Variants in C14orf93 observed in about 807,000 individuals in gnomAD.
The protein encoded by C14orf93 is chromosome 14 open reading frame 93, also known as uncharacterized protein C14orf93.
In C14orf93, 23 loss-of-function variants were observed where a neutral mutation model predicts 44.0. The observed-to-expected ratio is 0.52, with a 90% CI of 0.38 to 0.74. The LOEUF (loss-of-function observed/expected upper bound fraction) is 0.74. Among genes scored for constraint, C14orf93 ranks in the 30% least tolerant of loss-of-function variants. The pLI is 0.00. For missense variants in C14orf93, 579 were observed against 678.9 expected (o/e 0.85, Z 1.64); for synonymous variants, 253 against 265.7 (o/e 0.95, Z 0.46).
intron 1 of C14orf93, among the ~76,000 whole-genome samples, chr14:23,004,913 C>T (rs575175649): frequency 3.9e-5 from 6 of 152,030 alleles, no homozygotes; most frequent in South Asian, 2.1e-4. Flanking sequence ...AGTGAAACTC[C>T]GTCTCAAAAA....
intron 1 of C14orf93, chr14:23,002,622 G>A (rs1458676753): frequency 3.3e-5 from 5 of 152,128 alleles, no homozygotes; most frequent in Non-Finnish European, 7.3e-5. Context: ...ATAGAGTGCT[G>A]GCACATGGTC....
chr14:22,987,514 A>G lies in C14orf93; in HGVS notation c.1318T>C (p.Trp440Arg). Residue 440 changes from tryptophan (W) to arginine (R), a missense_variant, in exon 7 of 7, where the codon TGG becomes CGG. Physicochemically the swap from Trp to Arg is moderately radical, Grantham distance 101. Transcript: ENST00000299088. The surrounding 1 kb of genome is among the most constrained non-coding windows in gnomAD (Gnocchi z 5.6). ...CGGAAACGGGGAGGGCGGGCCACCC[A>G]CACACCTGGCTCGTTAAGACTGTCC... ...EEDSLNEPGV[W>R]VARPPRFRAQ... The G allele has an allele frequency of 6.2e-7, 1 of 1,614,226 alleles. No homozygotes were observed. Among genetic ancestry groups the G allele is most frequent in the Non-Finnish European group, 8.5e-7 (1 of 1,180,036 alleles).
intron 3 of C14orf93, among the ~76,000 whole-genome samples, chr14:22,995,136 A>G (rs964459198): frequency 6.6e-6 from 1 of 152,222 alleles, no homozygotes; most frequent in African/African-American, 2.4e-5. Flanking sequence ...GGTTCAGGCC[A>G]GTCCCTTCCT....
chr14:23,002,148 C>CAAA, intron 1 of C14orf93, among the ~76,000 whole-genome samples: 1 of 62,066 alleles, frequency 1.6e-5, no homozygotes. Context: ...GATTCCGTCT[C>CAAA]AAAAAAAAAA....
chr14:23,003,871 TATATATATATATATATATATATATA>T lies in C14orf93; in HGVS notation c.-379-4494_-379-4470del, dbSNP rs2046439384. Among the ~76,000 whole-genome samples the T allele has an allele frequency of 3.0e-4, 4 of 13,180 alleles. 1 individual carries two copies. Among genetic ancestry groups the T allele is most frequent in the South Asian group, 2.7e-3 (1 of 366 alleles). 8.6% of individuals were successfully genotyped at this position (13,180 alleles called of 152,430 possible). Reference sequence around the variant, plus strand: ...GCTAATATATTCATATATATATATATATATATATATATATATATATATATATATTTTTTTTTTTTTTTTTTTTTTT... The same window carrying T: ...GCTAATATATTCATATATATATATATTATTTTTTTTTTTTTTTTTTTTTTT... On this transcript the variant is annotated intron_variant, in intron 1 of 6. Coordinates refer to ENST00000299088, the MANE Select transcript of C14orf93 (RefSeq NM_021944.4).
rs1170432984 is a variant in C14orf93 at position 23,003,898 on chromosome 14, A to ATT, written c.-379-4498_-379-4497dup. 4.8e-3 allele frequency among the ~76,000 whole-genome samples: 50 copies of ATT among 10,374 alleles called. 6 individuals carry two copies. The highest frequency in any genetic ancestry group is 5.5e-3 in the African/African-American group (11 of 2,012). 6.8% of individuals were successfully genotyped at this position (10,374 alleles called of 152,430 possible). A position where few individuals can be genotyped will look rare whatever the true frequency, so the allele number is the denominator to read the frequency against. On this transcript the variant is annotated intron_variant, in intron 1 of 6. Transcript: ENST00000299088. ...TATATATATATATATATATATATAT[A>ATT]TTTTTTTTTTTTTTTTTTTTTTTTT...
Position 22,999,116 on chromosome 14 carries a change from A to G in C14orf93, c.-93T>C, listed in dbSNP as rs1338230787. On this transcript the variant is annotated 5_prime_UTR_variant, in exon 2 of 7. Transcript: ENST00000299088. Reference sequence around the variant, plus strand: ...TCTCTGGACTCACTTTCCTTTCTCAATGAGGATGGTCAGAGGAGCCCAGGC... The same window carrying G: ...TCTCTGGACTCACTTTCCTTTCTCAGTGAGGATGGTCAGAGGAGCCCAGGC... 4.7e-6 allele frequency: 7 copies of G among 1,502,022 alleles called. No homozygotes were observed. The highest frequency in any genetic ancestry group is 1.3e-5 in the South Asian group (1 of 75,740). 93.0% of individuals were successfully genotyped at this position (1,502,022 alleles called of 1,614,324 possible).
At chr14:23,007,067 C>T (rs1483035209) in intron 1 of C14orf93, 1 of 152,316 alleles carries the variant, frequency 6.6e-6, no homozygotes, top group Non-Finnish European at 1.5e-5. Flanking sequence ...CCTGGCGCTA[C>T]CGCACGGGCT....
At position 22,987,935 on chromosome 14, in the gene C14orf93, CT is replaced by C; in HGVS notation, c.1164del (p.Glu389ArgfsTer20). 1 of 1,614,056 alleles carries C rather than the reference CT, an allele frequency of 6.2e-7. No homozygotes were observed. The highest frequency in any genetic ancestry group is 8.5e-7 in the Non-Finnish European group (1 of 1,179,946). ...SLNPFKGLKE[K>X]EEKKLRSRRY... ...CGGCGACTTCGAAGTTTCTTCTCCT[CT>C]TTTTCCTTCAGGCCTTTAAAGGGGT... On this transcript the variant is annotated frameshift_variant, in exon 6 of 7. Coordinates refer to ENST00000299088, the MANE Select transcript of C14orf93 (RefSeq NM_021944.4). LOFTEE classifies it high-confidence loss of function. This position sits in a 1 kb window ranked among gnomAD's most constrained non-coding sequence, Gnocchi z 5.6.
At chr14:22,991,185 T>C (rs1455693676) in intron 3 of C14orf93, among the ~76,000 whole-genome samples, 31 of 151,432 alleles carry the variant, frequency 2.0e-4, no homozygotes, top group Admixed American at 2.0e-3. Context: ...TTTTTTTCTT[T>C]CTGAGACAGA....
intron 5 of C14orf93, among the ~76,000 whole-genome samples, chr14:22,989,209 T>C (rs2139422410): frequency 6.6e-6 from 1 of 152,310 alleles, no homozygotes; most frequent in Admixed American, 6.5e-5. Flanking sequence ...CCCATGCTAG[T>C]CTCGAACTCC....
intron 3 of C14orf93, among the ~76,000 whole-genome samples, chr14:22,990,822 CTTT>C (rs754334097): frequency 2.3e-5 from 3 of 130,248 alleles, no homozygotes; most frequent in Admixed American, 7.8e-5. Context: ...CTTTCCTTTT[CTTT>C]TTTTTTTTTT....
chr14:22,997,562 TC>T (rs1011671382), intron 2 of C14orf93, among the ~76,000 whole-genome samples: 3 of 152,168 alleles, frequency 2.0e-5, no homozygotes, highest in African/African-American at 7.2e-5. Flanking sequence ...TTTTCATACT[TC>T]CATGTGTGAC....
In C14orf93 at chr14:22,996,255, T is replaced by C. The variant is rs377232628; in HGVS notation, c.611A>G (p.Tyr204Cys). 2.5e-5 allele frequency: 39 copies of C among 1,555,012 alleles called. No individual in the cohort carries two copies. Among genetic ancestry groups the C allele is most frequent in the African/African-American group, 5.5e-5 (4 of 73,148 alleles). Residue 204 changes from tyrosine to cysteine, a missense_variant, in exon 3 of 7, where the codon TAC (tyrosine) becomes TGC (cysteine). Transcript: ENST00000299088. This position sits in a 1 kb window ranked among gnomAD's most constrained non-coding sequence, Gnocchi z 4.1. ...CTGTACTGCACCCTCAGAGGCCACG[T>C]AATCATCCACCAGCTAAGAACATAA... Reference protein sequence around the residue: ...APLLNPLVDDYVASEGAVQRV... With the variant: ...APLLNPLVDDCVASEGAVQRV...
Position 22,990,123 on chromosome 14 carries a change from A to C in C14orf93, c.923T>G (p.Leu308Arg). 1 of 1,612,892 alleles carries C rather than the reference A, an allele frequency of 6.2e-7. No individual in the cohort carries two copies. The highest frequency in any genetic ancestry group is 8.5e-7 in the Non-Finnish European group (1 of 1,179,208). Residue 308 changes from leucine (L) to arginine (R), a missense_variant, in exon 4 of 7, where the codon CTG becomes CGG. Coordinates refer to ENST00000299088, the MANE Select transcript of C14orf93 (RefSeq NM_021944.4). ...GATGTGGTTATGCACATTGTGGACC[A>C]GTTTCTAGGAGGAAAAAAAGAAAAC... ...RRKRDLVLSKLVHNVHNHITN... is the reference protein window; with the variant it reads ...RRKRDLVLSKRVHNVHNHITN...
Position 22,998,202 on chromosome 14 carries a change from C to A in C14orf93, c.597+225G>T, listed in dbSNP as rs1016602640. 9 of 529,306 alleles carry A rather than the reference C, an allele frequency of 1.7e-5. No individual in the cohort carries two copies. The South Asian group carries it at 4.3e-4, about 25-fold the overall frequency. 32.8% of individuals were successfully genotyped at this position (529,306 alleles called of 1,614,324 possible). A position where few individuals can be genotyped will look rare whatever the true frequency, so the allele number is the denominator to read the frequency against. ...GCTACTGAGAGAGAGGGAAGGGCAC[C>A]CCATCACTACACACAGCAAAAAATG... On this transcript the variant is annotated intron_variant, in intron 2 of 6. Transcript: ENST00000299088.
Position 22,998,876 on chromosome 14 carries a change from C to T in C14orf93, c.148G>A (p.Gly50Arg). The T allele has an allele frequency of 1.2e-6, 2 of 1,613,960 alleles. No homozygotes were observed. Among genetic ancestry groups the T allele is most frequent in the Non-Finnish European group, 8.5e-7 (1 of 1,179,986 alleles). The change falls in exon 2 of 7, where the codon GGA (glycine) becomes AGA (arginine). Residue 50 changes from glycine (G) to arginine (R), a missense_variant. Transcript: ENST00000299088. The part of the protein sequence containing the change: ...PPPSTPITVT[G>R]HGLAVQSSEQ... ...GAGCTCTGAACAGCCAAGCCATGTC[C>T]AGTCACTGTGATGGGGGTGCTGGGA... is the stretch of plus-strand genomic sequence containing the variant.
In C14orf93 at chr14:22,987,711, G is replaced by A; in HGVS notation, c.1198-77C>T. The A allele has an allele frequency of 6.9e-7, 1 of 1,452,838 alleles. No individual in the cohort carries two copies. The highest frequency in any genetic ancestry group is 9.2e-7 in the Non-Finnish European group (1 of 1,082,756). The allele number at this position is 1,452,838 out of a possible 1,614,324, so 90.0% of individuals were successfully genotyped here. The stretch of plus-strand genomic sequence containing the variant: ...AGATTTGGGGAAAAGGTTTGGTGGG[G>A]AAGGCTGTGTAAAATCTGTGCCTAA... On this transcript the variant is annotated intron_variant, in intron 6 of 6. Transcript: ENST00000299088. The surrounding 1 kb of genome is among the most constrained non-coding windows in gnomAD (Gnocchi z 5.6).
intron 3 of C14orf93, among the ~76,000 whole-genome samples, chr14:22,994,424 T>C (rs1009662616): frequency 6.6e-6 from 1 of 151,752 alleles, no homozygotes; most frequent in Non-Finnish European, 1.5e-5. Context: ...GGCAGGAGAA[T>C]CGCTTGAACC....
Sources: gnomAD v4.1 joint callset for allele counts (sites outside exome capture counted in the v4.1 genomes callset) on GRCh38, gnomAD v4.1.1 for gene constraint, Gnocchi (gnomAD v3.1) non-coding constraint, MANE v1.5 for transcripts, NCBI Gene and HGNC (gene_info 2026-07-23, HGNC 2026-07-21) for gene names.